Variants in AAMDC observed in about 807,000 individuals in gnomAD.
The protein encoded by AAMDC is mth938 domain-containing protein.
AAMDC carries 16 observed loss-of-function variants against 15.5 expected under a neutral mutation model. The ratio of observed to expected loss-of-function variants is 1.03; its 90% CI spans 0.70 to 1.57. AAMDC has a LOEUF of 1.57. Ranked by LOEUF, AAMDC falls within the 40% of genes most tolerant of loss-of-function variation. The pLI, the probability that AAMDC is intolerant of heterozygous loss-of-function variation, is 0.00. For synonymous variants in AAMDC, 51 were observed against 51.6 expected (o/e 0.99, Z 0.05); for missense variants, 141 against 144.9 (o/e 0.97, Z 0.14).
intron 2 of AAMDC, among the ~76,000 whole-genome samples, chr11:77,866,062 C>T (rs1312500772): frequency 3.3e-5 from 5 of 152,192 alleles, no homozygotes; most frequent in Non-Finnish European, 7.3e-5. Flanking sequence ...ATCAGCAATA[C>T]AGCCAGATGA....
At chr11:77,865,765 T>G (rs1052069321) in intron 2 of AAMDC, among the ~76,000 whole-genome samples, 2 of 152,220 alleles carry the variant, frequency 1.3e-5, no homozygotes, top group Admixed American at 6.5e-5. Flanking sequence ...ACCAAAAGTT[T>G]GTTGTTAATA....
chr11:77,826,483 A>T (rs1949179224), intron 1 of AAMDC, among the ~76,000 whole-genome samples: 1 of 152,220 alleles, frequency 6.6e-6, no homozygotes, highest in Admixed American at 6.5e-5. Context: ...GCAGTTTGAC[A>T]TCCTATACAG....
intron 5 of AAMDC, chr11:77,894,222 A>G: frequency 2.6e-6 from 2 of 778,492 alleles, no homozygotes; most frequent in South Asian, 1.6e-5. Flanking sequence ...GATTGTTCCT[A>G]TTGCCTGCAA....
intron 2 of AAMDC, among the ~76,000 whole-genome samples, chr11:77,860,589 C>A (rs1227372432): frequency 2.0e-5 from 3 of 152,228 alleles, no homozygotes; most frequent in African/African-American, 7.2e-5. Context: ...CATCCATGTA[C>A]TGAAGGACAA....
chr11:77,873,180 T>A (rs578007535), downstream of AAMDC, among the ~76,000 whole-genome samples: 9 of 152,238 alleles, frequency 5.9e-5, no homozygotes, highest in South Asian at 6.2e-4. Flanking sequence ...GAACTGCAGC[T>A]CACTGCCACT....
At chr11:77,835,088 T>C in intron 1 of AAMDC, among the ~76,000 whole-genome samples, 1 of 152,250 alleles carries the variant, frequency 6.6e-6, no homozygotes, top group East Asian at 1.9e-4. Context: ...ACTTTTAAGC[T>C]GGGCACATTG....
intron 1 of AAMDC, among the ~76,000 whole-genome samples, chr11:77,825,041 C>G (rs1356561207): frequency 6.6e-6 from 1 of 152,086 alleles, no homozygotes; most frequent in Non-Finnish European, 1.5e-5. Flanking sequence ...AGTGCAGTGA[C>G]GCGATCTCAG....
intron 5 of AAMDC, among the ~76,000 whole-genome samples, chr11:77,898,221 T>C (rs1952615327): frequency 6.6e-6 from 1 of 152,210 alleles, no homozygotes; most frequent in East Asian, 1.9e-4. Context: ...TGGAGTGCAG[T>C]GGTGCGATCT....
chr11:77,857,952 CCA>C (rs1167278802), intron 2 of AAMDC, among the ~76,000 whole-genome samples: 2 of 152,098 alleles, frequency 1.3e-5, no homozygotes, highest in Non-Finnish European at 2.9e-5. Context: ...ACATTGGCCC[CCA>C]AAGTGCTGGG....
chr11:77,877,183 C>T (rs1951622312), downstream of AAMDC: 3 of 594,388 alleles, frequency 5.0e-6, no homozygotes, highest in Non-Finnish European at 9.0e-6. Context: ...ATTGTGTGAC[C>T]TAGGACAGGT....
chr11:77,891,912 C>A, intron 5 of AAMDC: 1 of 1,594,154 alleles, frequency 6.3e-7, no homozygotes, highest in Non-Finnish European at 8.5e-7. Context: ...GCCCCAGACA[C>A]CTATCAAACC....
At chr11:77,848,482 C>T (rs1054741308) in intron 2 of AAMDC, among the ~76,000 whole-genome samples, 6 of 151,862 alleles carry the variant, frequency 4.0e-5, no homozygotes, top group Non-Finnish European at 7.4e-5. Flanking sequence ...CTCAGCCTCC[C>T]GAGTAGCTGG....
At chr11:77,838,211 A>T (rs1949773270) in intron 1 of AAMDC, among the ~76,000 whole-genome samples, 1 of 121,656 alleles carries the variant, frequency 8.2e-6, no homozygotes, top group Admixed American at 8.3e-5. Context: ...AATTGACAAG[A>T]TGTAGACTGT....
chr11:77,858,676 A>G (rs540377975), intron 2 of AAMDC, among the ~76,000 whole-genome samples: 5 of 152,142 alleles, frequency 3.3e-5, no homozygotes, highest in Middle Eastern at 3.4e-3. Flanking sequence ...TTGGCCGATG[A>G]CCGCTCTAAC....
At chr11:77,826,741 G>A (rs910275216) in intron 1 of AAMDC, among the ~76,000 whole-genome samples, 1 of 152,126 alleles carries the variant, frequency 6.6e-6, no homozygotes, top group Non-Finnish European at 1.5e-5. Context: ...CACATTTCTA[G>A]AATAACATGA....
chr11:77,896,179 G>A (rs1451824702), intron 5 of AAMDC, among the ~76,000 whole-genome samples: 1 of 151,776 alleles, frequency 6.6e-6, no homozygotes, highest in African/African-American at 2.4e-5. Context: ...CAAAGCAAGA[G>A]AAACTGCTAC....
intron 1 of AAMDC, among the ~76,000 whole-genome samples, chr11:77,823,100 A>T (rs1948998531): frequency 6.6e-6 from 1 of 151,062 alleles, no homozygotes; most frequent in Admixed American, 6.6e-5. Context: ...CCCTGTAGAC[A>T]GCTACTCGGG....
chr11:77,893,376 C>A (rs559693520), intron 5 of AAMDC, among the ~76,000 whole-genome samples: 3 of 152,222 alleles, frequency 2.0e-5, no homozygotes, highest in South Asian at 2.1e-4. Context: ...GAGGCAGAGG[C>A]AGGAGGATCT....
At chr11:77,822,879 A>G (rs1948982266) in intron 1 of AAMDC, among the ~76,000 whole-genome samples, 1 of 152,224 alleles carries the variant, frequency 6.6e-6, no homozygotes, top group Non-Finnish European at 1.5e-5. Context: ...AAAATGGCAT[A>G]TTTTATGTTA....
Sources: allele counts gnomAD v4.1 joint callset (sites outside exome capture counted in the v4.1 genomes callset), GRCh38; gene constraint gnomAD v4.1.1; transcripts MANE v1.5; gene names NCBI Gene and HGNC (gene_info 2026-07-23, HGNC 2026-07-21).